ZDHHC12: variants seen among roughly 807,000 people sequenced by gnomAD.
ZDHHC12 encodes the protein zDHHC palmitoyltransferase 12, also known as palmitoyltransferase ZDHHC12.
Under a neutral mutation model 33.2 loss-of-function variants are expected in ZDHHC12, and 26 were observed. That is an observed-to-expected ratio of 0.78 (90% CI 0.57 to 1.09). ZDHHC12 has a LOEUF of 1.09. ZDHHC12 is among the 50% of genes least tolerant of loss of function. ZDHHC12 has a pLI of 0.00. For synonymous variants in ZDHHC12, 154 were observed against 152.1 expected (o/e 1.01, Z -0.09); for missense variants, 350 against 353.0 (o/e 0.99, Z 0.07).
At position 128,722,347 on chromosome 9, in the gene ZDHHC12, G is replaced by A; in HGVS notation, c.237+91C>T. The A allele has an allele frequency of 3.5e-6, 5 of 1,422,524 alleles. No individual in the cohort carries two copies. Among genetic ancestry groups the A allele is most frequent in the Non-Finnish European group, 4.7e-6 (5 of 1,072,746 alleles). 88.1% of individuals were successfully genotyped at this position (1,422,524 alleles called of 1,614,324 possible). On this transcript the variant is annotated intron_variant, in intron 2 of 4. Coordinates refer to ENST00000372663, the MANE Select transcript of ZDHHC12 (RefSeq NM_032799.5). The surrounding 1 kb of genome is among the most constrained non-coding windows in gnomAD (Gnocchi z 4.2). The stretch of plus-strand genomic sequence containing the variant: ...GGGTGGCAAGAGGAGTCACTGAACT[G>A]CTCCCACAAGAGCCTGCAGCACAGA...
At position 128,723,565 on chromosome 9, in the gene ZDHHC12, A is replaced by C; in HGVS notation, c.100+429T>G. ...AGGGTTTGCCTGGACTTGGGCAGCTAGTGGCCATGGGGGTGTGGGGGGTGT... is the reference window on the plus strand; with the variant it reads ...AGGGTTTGCCTGGACTTGGGCAGCTCGTGGCCATGGGGGTGTGGGGGGTGT... On this transcript the variant is annotated intron_variant, in intron 1 of 4. Transcript: ENST00000372663. This position sits in a 1 kb window ranked among gnomAD's most constrained non-coding sequence, Gnocchi z 4.4. 1.1e-3 allele frequency: 239 copies of C among 219,830 alleles called. No individual in the cohort carries two copies. The highest frequency in any genetic ancestry group is 2.9e-3 in the Middle Eastern group (2 of 682). The allele number at this position is 219,830 out of a possible 1,614,324, so 13.6% of individuals were successfully genotyped here. A position where few individuals can be genotyped will look rare whatever the true frequency, so the allele number is the denominator to read the frequency against.
chr9:128,721,940 G>C lies in ZDHHC12; in HGVS notation c.315+69C>G, dbSNP rs1485192162. 10 of 1,610,006 alleles carry C rather than the reference G, an allele frequency of 6.2e-6. No individual in the cohort carries two copies. The South Asian group carries it at 8.8e-5, about 14-fold the overall frequency. On this transcript the variant is annotated intron_variant, in intron 3 of 4. Coordinates refer to ENST00000372663, the MANE Select transcript of ZDHHC12 (RefSeq NM_032799.5). The surrounding 1 kb of genome is among the most constrained non-coding windows in gnomAD (Gnocchi z 6.9). ...GAGGAGGGGCGAGGCCCAGGCAGTGGGGCAGGAGGAGGTCGAGGAGTCTCA... is the reference window on the plus strand; with the variant it reads ...GAGGAGGGGCGAGGCCCAGGCAGTGCGGCAGGAGGAGGTCGAGGAGTCTCA...
Position 128,722,331 on chromosome 9 carries a change from G to A in ZDHHC12, c.237+107C>T. The stretch of plus-strand genomic sequence containing the variant: ...GTAGATGGGGCTCTAGGGGTGGCAA[G>A]AGGAGTCACTGAACTGCTCCCACAA... On this transcript the variant is annotated intron_variant, in intron 2 of 4. Coordinates refer to ENST00000372663, the MANE Select transcript of ZDHHC12 (RefSeq NM_032799.5). This position sits in a 1 kb window ranked among gnomAD's most constrained non-coding sequence, Gnocchi z 4.2. 3.7e-6 allele frequency: 5 copies of A among 1,355,548 alleles called. No individual in the cohort carries two copies. The highest frequency in any genetic ancestry group is 4.0e-6 in the Non-Finnish European group (4 of 1,012,340). The allele number at this position is 1,355,548 out of a possible 1,614,324, so 84.0% of individuals were successfully genotyped here.
Position 128,721,405 on chromosome 9 carries a change from C to G in ZDHHC12, c.580G>C (p.Ala194Pro), listed in dbSNP as rs201386601. 5.1e-5 allele frequency: 80 copies of G among 1,580,312 alleles called. 1 individual carries two copies. Among genetic ancestry groups the G allele is most frequent in the Admixed American group, 3.8e-5 (2 of 53,134 alleles). ...AGGTGCGAGACGAGGAGCAGGCTGGCCACCAACGAGAAGAGGGACAGCAGC... is the reference window on the plus strand; with the variant it reads ...AGGTGCGAGACGAGGAGCAGGCTGGGCACCAACGAGAAGAGGGACAGCAGC... The part of the protein sequence containing the change: ...FLLLSLFSLV[A>P]SLLLVSHLYL... The change falls in exon 5 of 5, where the codon GCC becomes CCC. Residue 194 changes from alanine to proline, a missense_variant. Ala to Pro is a conservative substitution (Grantham distance 27). Transcript: ENST00000372663. The surrounding 1 kb of genome is among the most constrained non-coding windows in gnomAD (Gnocchi z 6.9).
rs781163958 is a variant in ZDHHC12 at position 128,721,802 on chromosome 9, G to A, written c.331C>T (p.Arg111Trp). The A allele has an allele frequency of 1.4e-5, 23 of 1,612,832 alleles. No individual in the cohort carries two copies. The highest frequency in any genetic ancestry group is 6.7e-5 in the Admixed American group (4 of 59,966). Residue 111 changes from arginine (R) to tryptophan (W), a missense_variant, in exon 4 of 5, where the codon CGG becomes TGG. By Grantham distance (101) the Arg-to-Trp change is moderately radical (BLOSUM62 -3). Coordinates refer to ENST00000372663, the MANE Select transcript of ZDHHC12 (RefSeq NM_032799.5). This position sits in a 1 kb window ranked among gnomAD's most constrained non-coding sequence, Gnocchi z 6.9. ...YCLVLQPLRA[R>W]HCRECRRCVR... ...CAACGGCGGCACTCACGGCAGTGCC[G>A]AGCCCTCAGGGGCTGCTGTGGGCAT...
rs1862583664 is a variant in ZDHHC12, at chr9:128,722,184, G to A, written c.238-98C>T. ...GGGCCGGCTTAGCTCTGGGTATGGA[G>A]TTTGGGACCCATCCCATGCAGAATG... is the stretch of plus-strand genomic sequence containing the variant. On this transcript the variant is annotated intron_variant, in intron 2 of 4. Coordinates refer to ENST00000372663, the MANE Select transcript of ZDHHC12 (RefSeq NM_032799.5). This position sits in a 1 kb window ranked among gnomAD's most constrained non-coding sequence, Gnocchi z 4.2. 2.1e-6 allele frequency: 3 copies of A among 1,438,468 alleles called. No homozygotes were observed. The highest frequency in any genetic ancestry group is 2.9e-6 in the Non-Finnish European group (3 of 1,031,436). The allele number at this position is 1,438,468 out of a possible 1,614,324, so 89.1% of individuals were successfully genotyped here. A position where few individuals can be genotyped will look rare whatever the true frequency, so the allele number is the denominator to read the frequency against.
chr9:128,722,608 C>A lies in ZDHHC12; in HGVS notation c.101-34G>T. ...GCCGGAGAGCACAGTGAGGCTGGGC[C>A]GGGTAGAACAGGAGTGGGTGGGGTT... On this transcript the variant is annotated intron_variant, in intron 1 of 4. Coordinates refer to ENST00000372663, the MANE Select transcript of ZDHHC12 (RefSeq NM_032799.5). This position sits in a 1 kb window ranked among gnomAD's most constrained non-coding sequence, Gnocchi z 4.2. 1 of 1,582,202 alleles carries A rather than the reference C, an allele frequency of 6.3e-7. No homozygotes were observed. The highest frequency in any genetic ancestry group is 1.2e-5 in the South Asian group (1 of 86,808).
At position 128,723,778 on chromosome 9, in the gene ZDHHC12, T is replaced by G; in HGVS notation, c.100+216A>C. On this transcript the variant is annotated intron_variant, in intron 1 of 4. Coordinates refer to ENST00000372663, the MANE Select transcript of ZDHHC12 (RefSeq NM_032799.5). This position sits in a 1 kb window ranked among gnomAD's most constrained non-coding sequence, Gnocchi z 4.4. The stretch of plus-strand genomic sequence containing the variant: ...GGATGGACAGGGCATTTGGCAATGA[T>G]CAGGAAGATGCTGGGATTAATTAGG... 1 of 723,878 alleles carries G rather than the reference T, an allele frequency of 1.4e-6. No homozygotes were observed. Among genetic ancestry groups the G allele is most frequent in the South Asian group, 2.1e-5 (1 of 48,440 alleles). The allele number at this position is 723,878 out of a possible 1,614,324, so 44.8% of individuals were successfully genotyped here.
Position 128,721,446 on chromosome 9 carries a change from A to C in ZDHHC12, c.539T>G (p.Leu180Arg). The C allele has an allele frequency of 2.5e-6, 4 of 1,588,014 alleles. No homozygotes were observed. The highest frequency in any genetic ancestry group is 3.4e-6 in the Non-Finnish European group (4 of 1,167,828). Residue 180 changes from leucine (L) to arginine (R), a missense_variant, in exon 5 of 5, where the codon CTG becomes CGG. Coordinates refer to ENST00000372663, the MANE Select transcript of ZDHHC12 (RefSeq NM_032799.5). This position sits in a 1 kb window ranked among gnomAD's most constrained non-coding sequence, Gnocchi z 6.9. ...GGACAGCAGCAGGAAGGTGGCGAAC[A>C]GGAGCCCGCTGGACCGCAACCACTG... ...WGQWLRSSGLLFATFLLLSLF... is the reference protein window; with the variant it reads ...WGQWLRSSGLRFATFLLLSLF...
Position 128,721,432 on chromosome 9 carries a change from G to A in ZDHHC12, c.553C>T (p.Leu185=). The A allele has an allele frequency of 6.3e-7, 1 of 1,585,044 alleles. No homozygotes were observed. The change falls in exon 5 of 5, where the codon CTG becomes TTG. Residue 185 remains leucine (L), a synonymous_variant. Transcript: ENST00000372663. This position sits in a 1 kb window ranked among gnomAD's most constrained non-coding sequence, Gnocchi z 6.9. ...RSSGLLFATF[L]LLSLFSLVAS... ...ACCAACGAGAAGAGGGACAGCAGCA[G>A]GAAGGTGGCGAACAGGAGCCCGCTG...
chr9:128,723,484 T>A lies in ZDHHC12; in HGVS notation c.100+510A>T, dbSNP rs1368037165. 4 of 167,264 alleles carry A rather than the reference T, an allele frequency of 2.4e-5. No homozygotes were observed. The highest frequency in any genetic ancestry group is 1.3e-4 in the Admixed American group (2 of 15,582). The allele number at this position is 167,264 out of a possible 1,614,324, so 10.4% of individuals were successfully genotyped here. A position where few individuals can be genotyped will look rare whatever the true frequency, so the allele number is the denominator to read the frequency against. On this transcript the variant is annotated intron_variant, in intron 1 of 4. Transcript: ENST00000372663. This position sits in a 1 kb window ranked among gnomAD's most constrained non-coding sequence, Gnocchi z 4.4. ...AGGGAAATGGAGGTGGGTGGGTGGG[T>A]GAATCTGTGGGAAGATGGGAGACAG...
At position 128,721,199 on chromosome 9, in the gene ZDHHC12, G is replaced by C; in HGVS notation, c.786C>G (p.Gly262=). The part of the protein sequence containing the change: ...ETLWAEEEEE[G]SSPAV ...AGCAACCCTAAACAGCTGGGCTGCT[G>C]CCCTCTTCCTCCTCCTCAGCCCAGA... is the stretch of plus-strand genomic sequence containing the variant. The change falls in exon 5 of 5, where the codon GGC becomes GGG. Residue 262 remains glycine, a synonymous_variant. Transcript: ENST00000372663. This position sits in a 1 kb window ranked among gnomAD's most constrained non-coding sequence, Gnocchi z 6.9. The C allele has an allele frequency of 6.3e-7, 1 of 1,589,548 alleles. No individual in the cohort carries two copies. Among genetic ancestry groups the C allele is most frequent in the Admixed American group, 1.7e-5 (1 of 57,360 alleles).
Position 128,721,250 on chromosome 9 carries a change from T to A in ZDHHC12, c.735A>T (p.Gly245=). The change falls in exon 5 of 5, where the codon GGA becomes GGT. Residue 245 remains glycine (G), a synonymous_variant. Coordinates refer to ENST00000372663, the MANE Select transcript of ZDHHC12 (RefSeq NM_032799.5). This position sits in a 1 kb window ranked among gnomAD's most constrained non-coding sequence, Gnocchi z 6.9. ...GGGTCTCCCAGGACCCTGAGGGCCATCCACAGAAGAAGTGGGCCAGGTTGC... is the reference window on the plus strand; with the variant it reads ...GGGTCTCCCAGGACCCTGAGGGCCAACCACAGAAGAAGTGGGCCAGGTTGC... The part of the protein sequence containing the change: ...LTRNLAHFFC[G]WPSGSWETLW... The A allele has an allele frequency of 6.2e-7, 1 of 1,605,460 alleles. No homozygotes were observed. The highest frequency in any genetic ancestry group is 8.5e-7 in the Non-Finnish European group (1 of 1,176,222).
chr9:128,720,917 T>C lies in ZDHHC12; in HGVS notation c.*264A>G. ...GCTTTATATTAAATTTGTAAAAGTG[T>C]GCACTGGCAGCAGCCTGGGCGGGGC... On this transcript the variant is annotated 3_prime_UTR_variant, in exon 5 of 5. Transcript: ENST00000372663. The surrounding 1 kb of genome is among the most constrained non-coding windows in gnomAD (Gnocchi z 5.5). 3.5e-6 allele frequency: 2 copies of C among 578,700 alleles called. No homozygotes were observed. Among genetic ancestry groups the C allele is most frequent in the African/African-American group, 3.7e-5 (2 of 53,572 alleles). 35.8% of individuals were successfully genotyped at this position (578,700 alleles called of 1,614,324 possible). A position where few individuals can be genotyped will look rare whatever the true frequency, so the allele number is the denominator to read the frequency against.
chr9:128,721,877 G>T lies in ZDHHC12; in HGVS notation c.316-60C>A. The T allele has an allele frequency of 6.2e-7, 1 of 1,601,798 alleles. No homozygotes were observed. The highest frequency in any genetic ancestry group is 1.8e-4 in the Middle Eastern group (1 of 5,568). On this transcript the variant is annotated intron_variant, in intron 3 of 4. Transcript: ENST00000372663. This position sits in a 1 kb window ranked among gnomAD's most constrained non-coding sequence, Gnocchi z 6.9. ...AGCCCTGCTGTGGGCCCACCACTGA[G>T]GGAAGGAATCAGGGCCTGATTCTGG...
chr9:128,721,512 A>G lies in ZDHHC12; in HGVS notation c.483-10T>C. On this transcript the variant is annotated splice_polypyrimidine_tract_variant and intron_variant, in intron 4 of 4. Coordinates refer to ENST00000372663, the MANE Select transcript of ZDHHC12 (RefSeq NM_032799.5). This position sits in a 1 kb window ranked among gnomAD's most constrained non-coding sequence, Gnocchi z 6.9. ...GAACCGGAGGCCTGACCTGCGGTGC[A>G]GGGGACAGGGGCCTGGTGCTGGGGG... The G allele has an allele frequency of 2.5e-6, 4 of 1,597,726 alleles. No individual in the cohort carries two copies. The highest frequency in any genetic ancestry group is 2.3e-5 in the East Asian group (1 of 44,444).
In ZDHHC12 at chr9:128,721,683, C is replaced by A. The variant is rs376468939; in HGVS notation, c.450G>T (p.Leu150=). The change falls in exon 4 of 5, where the codon CTG becomes CTT. Residue 150 remains leucine (L), a synonymous_variant. Coordinates refer to ENST00000372663, the MANE Select transcript of ZDHHC12 (RefSeq NM_032799.5). The surrounding 1 kb of genome is among the most constrained non-coding windows in gnomAD (Gnocchi z 6.9). The stretch of plus-strand genomic sequence containing the variant: ...GGTACAGGCCCCACAGAAGCACCAC[C>A]AGCTGCAGCGCCAGGTAGACCACAA... The part of the protein sequence containing the change: ...PLFVVYLALQ[L]VVLLWGLYLA... 5.4e-5 allele frequency: 87 copies of A among 1,613,894 alleles called. No homozygotes were observed. The African/African-American group carries it at 8.7e-4, about 16-fold the overall frequency.
In ZDHHC12 at chr9:128,724,121, G is replaced by A; in HGVS notation, c.-28C>T. ...CCTCGGCCCGGGGCCCCACCCGGAA[G>A]AAGCGCCCAGAGGGGCGGGCCCTCC... On this transcript the variant is annotated 5_prime_UTR_variant, in exon 1 of 5. Coordinates refer to ENST00000372663, the MANE Select transcript of ZDHHC12 (RefSeq NM_032799.5). The A allele has an allele frequency of 6.6e-7, 1 of 1,511,670 alleles. No individual in the cohort carries two copies. The highest frequency in any genetic ancestry group is 8.9e-7 in the Non-Finnish European group (1 of 1,125,406). 93.6% of individuals were successfully genotyped at this position (1,511,670 alleles called of 1,614,324 possible). A position where few individuals can be genotyped will look rare whatever the true frequency, so the allele number is the denominator to read the frequency against.
Position 128,723,846 on chromosome 9 carries a change from G to C in ZDHHC12, c.100+148C>G. The C allele has an allele frequency of 8.1e-7, 1 of 1,238,580 alleles. No individual in the cohort carries two copies. Among genetic ancestry groups the C allele is most frequent in the Non-Finnish European group, 1.1e-6 (1 of 896,844 alleles). 76.7% of individuals were successfully genotyped at this position (1,238,580 alleles called of 1,614,324 possible). On this transcript the variant is annotated intron_variant, in intron 1 of 4. Transcript: ENST00000372663. The surrounding 1 kb of genome is among the most constrained non-coding windows in gnomAD (Gnocchi z 4.4). ...ACAGAGAGCAGGTGGCTCTTGGAAT[G>C]ATAGATGGGGAGAGGGCTTCAGGAG... is the stretch of plus-strand genomic sequence containing the variant.
Sources: gnomAD v4.1 joint callset for allele counts on GRCh38, gnomAD v4.1.1 for gene constraint, Gnocchi (gnomAD v3.1) non-coding constraint, MANE v1.5 for transcripts, NCBI Gene and HGNC (gene_info 2026-07-23, HGNC 2026-07-21) for gene names.